Variants in EPHB2 observed in about 807,000 individuals in gnomAD.
The protein encoded by EPHB2 is ephrin type-B receptor 2.
A neutral mutation model predicts 96.4 loss-of-function variants in EPHB2; 18 were observed. That is an observed-to-expected ratio of 0.19 (90% confidence interval 0.13 to 0.28). EPHB2 has a LOEUF of 0.28. Among genes scored for constraint, EPHB2 ranks in the 10% least tolerant of loss-of-function variants. The pLI, the probability that EPHB2 is intolerant of heterozygous loss-of-function variation, is 1.00. For synonymous variants in EPHB2, 506 were observed against 534.1 expected (o/e 0.95, Z 0.72); for missense variants, 989 against 1,355.4 (o/e 0.73, Z 4.25).
chr1:22,798,674 G>A lies in EPHB2; in HGVS notation c.811+13598G>A, dbSNP rs56868448. Reference sequence around the variant, plus strand: ...TGCCAGGGGGAGCCTTGCACAGAGAGAGCTCCCCGCCCTGCCACTAGCCAC... The same window carrying A: ...TGCCAGGGGGAGCCTTGCACAGAGAAAGCTCCCCGCCCTGCCACTAGCCAC... On this transcript the variant is annotated intron_variant, in intron 3 of 15. Transcript: ENST00000374630. Among the ~76,000 whole-genome samples the A allele has an allele frequency of 3.0e-3, 463 of 152,170 alleles. 1 individual carries two copies. The highest frequency in any genetic ancestry group is 0.011 in the African/African-American group (458 of 41,538).
At chr1:22,820,138 T>G (rs1001086163) in intron 3 of EPHB2, among the ~76,000 whole-genome samples, 5 of 152,228 alleles carry the variant, frequency 3.3e-5, no homozygotes, top group Non-Finnish European at 5.9e-5. Flanking sequence ...AGAAAGGTGG[T>G]GAGACCTAGC....
At chr1:22,851,936 C>T (rs1441545753) in intron 3 of EPHB2, among the ~76,000 whole-genome samples, 1 of 152,208 alleles carries the variant, frequency 6.6e-6, no homozygotes, top group Non-Finnish European at 1.5e-5. Context: ...TTCTCAGTGC[C>T]CTGAGCACTT....
chr1:22,789,878 G>A (rs950811517), intron 3 of EPHB2, among the ~76,000 whole-genome samples: 2 of 152,146 alleles, frequency 1.3e-5, no homozygotes, highest in Non-Finnish European at 2.9e-5. Flanking sequence ...GGCCTGAGAA[G>A]GCTGTGGGGA....
intron 3 of EPHB2, among the ~76,000 whole-genome samples, chr1:22,856,998 C>T (rs2148515648): frequency 6.6e-6 from 1 of 152,302 alleles, no homozygotes; most frequent in Middle Eastern, 3.4e-3. Flanking sequence ...GAACACCTAC[C>T]ATGTGCCAAG....
chr1:22,904,637 A>G (rs1454245227), intron 9 of EPHB2, among the ~76,000 whole-genome samples: 1 of 152,228 alleles, frequency 6.6e-6, no homozygotes, highest in Non-Finnish European at 1.5e-5. Flanking sequence ...AACAGATAGT[A>G]AATATTTTAG....
intron 14 of EPHB2, among the ~76,000 whole-genome samples, chr1:22,911,182 T>A (rs2256554): frequency 1.2e-3 from 102 of 84,596 alleles, no homozygotes; most frequent in African/African-American, 3.2e-3. Context: ...AAATAAATAA[T>A]TACCAAAGGA....
In EPHB2 at chr1:22,766,239, T is replaced by C. The variant is rs116694822; in HGVS notation, c.62-15182T>C. On this transcript the variant is annotated intron_variant, in intron 1 of 15. Transcript: ENST00000374630. ...GACCCCAGGCAAGTCACAGCCCCTC[T>C]CTGAACCTCAGTTTCCTCATCTGTG... is the stretch of plus-strand genomic sequence containing the variant. Among the ~76,000 whole-genome samples the C allele has an allele frequency of 5.8e-3, 889 of 152,188 alleles. 12 individuals carry two copies. Among genetic ancestry groups the C allele is most frequent in the African/African-American group, 0.02 (840 of 41,514 alleles).
At chr1:22,765,615 G>C (rs111811913) in intron 1 of EPHB2, among the ~76,000 whole-genome samples, 1 of 151,316 alleles carries the variant, frequency 6.6e-6, no homozygotes, top group Non-Finnish European at 1.5e-5. Flanking sequence ...GAACCCTGGG[G>C]CCCTTCCCCA....
In EPHB2 at chr1:22,784,186, C is replaced by G. The variant is rs1644574462; in HGVS notation, c.127-206C>G. Among the ~76,000 whole-genome samples the G allele has an allele frequency of 6.6e-6, 1 of 152,172 alleles. No homozygotes were observed. Among genetic ancestry groups the G allele is most frequent in the African/African-American group, 2.4e-5 (1 of 41,432 alleles). ...CCCTGACAGTAAGGGCAATGTCTCC[C>G]CTGTCAGCTAGCAGAATACCAAGAG... On this transcript the variant is annotated intron_variant, in intron 2 of 15. Transcript: ENST00000374630. This position sits in a 1 kb window ranked among gnomAD's most constrained non-coding sequence, Gnocchi z 5.1.
intron 3 of EPHB2, among the ~76,000 whole-genome samples, chr1:22,792,322 A>G (rs1644706340): frequency 6.6e-6 from 1 of 152,104 alleles, no homozygotes; most frequent in African/African-American, 2.4e-5. Flanking sequence ...CCAGACCCCC[A>G]CATAGAAATT....
At position 22,918,422 on chromosome 1, in the gene EPHB2, T is replaced by A. The variant is rs2124175730; in HGVS notation, c.*4852T>A. On this transcript the variant is annotated 3_prime_UTR_variant, in exon 16 of 16. Coordinates refer to ENST00000374630, the MANE Select transcript of EPHB2 (RefSeq NM_017449.5). This position sits in a 1 kb window ranked among gnomAD's most constrained non-coding sequence, Gnocchi z 4.2. ...AGCCTGGCGGGGGCGGGCGTGCGGG[T>A]GGGCATGAGAAATTGCTCAGGAAAC... The A allele has an allele frequency of 6.6e-6, 1 of 151,640 alleles. No homozygotes were observed. Among genetic ancestry groups the A allele is most frequent in the Non-Finnish European group, 1.5e-5 (1 of 67,904 alleles). 9.4% of individuals were successfully genotyped at this position (151,640 alleles called of 1,614,324 possible). A position where few individuals can be genotyped will look rare whatever the true frequency, so the allele number is the denominator to read the frequency against.
intron 4 of EPHB2, among the ~76,000 whole-genome samples, chr1:22,864,034 CTTT>C (rs201727615): frequency 2.7e-4 from 36 of 131,168 alleles, no homozygotes; most frequent in African/African-American, 1.1e-3. Flanking sequence ...AGTTTCTGTT[CTTT>C]TTTTTTTTTT....
intron 5 of EPHB2, among the ~76,000 whole-genome samples, chr1:22,867,362 G>C (rs1638512175): frequency 6.6e-6 from 1 of 152,164 alleles, no homozygotes; most frequent in Non-Finnish European, 1.5e-5. Context: ...TTGTGTATTT[G>C]AGCATGAGTT....
At chr1:22,872,880 GC>G (rs1418143703) in intron 5 of EPHB2, among the ~76,000 whole-genome samples, 2 of 152,188 alleles carry the variant, frequency 1.3e-5, no homozygotes, top group Non-Finnish European at 2.9e-5. Flanking sequence ...GGCCAAGAGA[GC>G]CCCCTGTGTG....
chr1:22,716,022 A>C (rs974382292), intron 1 of EPHB2, among the ~76,000 whole-genome samples: 1 of 152,124 alleles, frequency 6.6e-6, no homozygotes, highest in African/African-American at 2.4e-5. Flanking sequence ...CAGGCACCAG[A>C]TCAGCCTTCA....
chr1:22,838,828 G>A (rs1645422516), intron 3 of EPHB2, among the ~76,000 whole-genome samples: 3 of 152,146 alleles, frequency 2.0e-5, no homozygotes, highest in Non-Finnish European at 2.9e-5. Context: ...CTACTTGGGA[G>A]GCTGAGGCAG....
In EPHB2 at chr1:22,711,283, G is replaced by T. The variant is rs1311988735; in HGVS notation, c.61+240G>T. On this transcript the variant is annotated intron_variant, in intron 1 of 15. Coordinates refer to ENST00000374630, the MANE Select transcript of EPHB2 (RefSeq NM_017449.5). ...GAGGCGAAGGGACCATCTTGCCGAG[G>T]CTTTGTAGCCAGCCCGGCGAGCGCC... 4.1e-5 allele frequency among the ~76,000 whole-genome samples: 6 copies of T among 147,634 alleles called. No homozygotes were observed. The South Asian group carries it at 1.2e-3, about 31-fold the overall frequency.
intron 6 of EPHB2, among the ~76,000 whole-genome samples, chr1:22,885,932 A>C (rs1639210288): frequency 6.6e-6 from 1 of 152,184 alleles, no homozygotes; most frequent in Admixed American, 6.5e-5. Context: ...GGTTCAGTCA[A>C]CTTTCACTCT....
intron 3 of EPHB2, among the ~76,000 whole-genome samples, chr1:22,794,279 G>A (rs1013441282): frequency 4.6e-5 from 7 of 152,078 alleles, no homozygotes; most frequent in Non-Finnish European, 8.8e-5. Context: ...GAGGAGACCC[G>A]GGTCTGGGCC....
Sources: gnomAD v4.1 joint callset for allele counts (sites outside exome capture counted in the v4.1 genomes callset) on GRCh38, gnomAD v4.1.1 for gene constraint, Gnocchi (gnomAD v3.1) non-coding constraint, MANE v1.5 for transcripts, NCBI Gene and HGNC (gene_info 2026-07-23, HGNC 2026-07-21) for gene names.